The following SPMIP7 variants were observed in gnomAD, a reference collection of about 807,000 sequenced individuals.
SPMIP7 encodes sperm microtubule inner protein 7.
At chr7:50,120,803 T>C in the SPMIP7 span, among the ~76,000 whole-genome samples, 1 of 152,178 alleles carries the variant, frequency 6.6e-6, no homozygotes, top group Non-Finnish European at 1.5e-5. Flanking sequence ...AATAGATATC[T>C]CTTTAAATCA....
chr7:50,150,653 A>C, the SPMIP7 span, among the ~76,000 whole-genome samples: 1 of 152,174 alleles, frequency 6.6e-6, no homozygotes, highest in African/African-American at 2.4e-5. Flanking sequence ...ATCTGTGTAA[A>C]CCAACTTGTG....
chr7:50,096,412 G>A, the SPMIP7 span: 1 of 1,551,642 alleles, frequency 6.4e-7, no homozygotes, highest in African/African-American at 1.4e-5. Flanking sequence ...CCTGTTCAGG[G>A]TTTATGAGTC....
At chr7:50,157,913 T>C in the SPMIP7 span, among the ~76,000 whole-genome samples, 1 of 152,204 alleles carries the variant, frequency 6.6e-6, no homozygotes, top group Non-Finnish European at 1.5e-5. Context: ...AAAAAATTAT[T>C]TTAATTATCA....
the SPMIP7 span, among the ~76,000 whole-genome samples, chr7:50,128,618 T>G: frequency 6.6e-6 from 1 of 151,982 alleles, no homozygotes; most frequent in Non-Finnish European, 1.5e-5. Flanking sequence ...CAAATACATT[T>G]TAAAACTATG....
At chr7:50,154,667 T>C in the SPMIP7 span, among the ~76,000 whole-genome samples, 3 of 152,218 alleles carry the variant, frequency 2.0e-5, no homozygotes, top group South Asian at 2.1e-4. Context: ...GTGAATATGA[T>C]GCAATGAACA....
At chr7:50,140,009 C>G in the SPMIP7 span, 1 of 633,652 alleles carries the variant, frequency 1.6e-6, no homozygotes, top group African/African-American at 2.0e-5. Flanking sequence ...TTTAAAATCA[C>G]AAACCTTTAA....
At chr7:50,119,646 T>C in the SPMIP7 span, among the ~76,000 whole-genome samples, 1 of 152,216 alleles carries the variant, frequency 6.6e-6, no homozygotes, top group Admixed American at 6.5e-5. Context: ...ATTCTAGACA[T>C]GACTGCTACT....
the SPMIP7 span, among the ~76,000 whole-genome samples, chr7:50,156,280 G>A: frequency 6.6e-6 from 1 of 151,908 alleles, no homozygotes; most frequent in East Asian, 1.9e-4. Context: ...GTGAAAGTAT[G>A]AGCCTTGATC....
chr7:50,151,316 CCT>C, the SPMIP7 span: 22 of 711,178 alleles, frequency 3.1e-5, no homozygotes, highest in South Asian at 3.8e-4. Context: ...AAGTTCCACA[CCT>C]CATACAGGAA....
chr7:50,125,361 T>TATATATACATATATAC, the SPMIP7 span, among the ~76,000 whole-genome samples: 3 of 133,626 alleles, frequency 2.2e-5, no homozygotes, highest in East Asian at 4.5e-4. Flanking sequence ...CACATATATA[T>TATATATACATATATAC]ACACATATAT....
At chr7:50,116,535 T>G in the SPMIP7 span, among the ~76,000 whole-genome samples, 1 of 152,232 alleles carries the variant, frequency 6.6e-6, no homozygotes, top group African/African-American at 2.4e-5. Flanking sequence ...GTAATAAATT[T>G]ATGAAACTGT....
chr7:50,103,510 C>T, the SPMIP7 span, among the ~76,000 whole-genome samples: 1 of 152,182 alleles, frequency 6.6e-6, no homozygotes, highest in Non-Finnish European at 1.5e-5. Flanking sequence ...TTCCTATCTA[C>T]CATTTTACAA....
the SPMIP7 span, among the ~76,000 whole-genome samples, chr7:50,126,416 C>T: frequency 6.6e-6 from 1 of 150,806 alleles, no homozygotes; most frequent in African/African-American, 2.4e-5. Flanking sequence ...ACAGTGAAAA[C>T]TTCAGGCCTA....
At chr7:50,126,211 C>T in the SPMIP7 span, among the ~76,000 whole-genome samples, 1 of 129,030 alleles carries the variant, frequency 7.8e-6, no homozygotes, top group African/African-American at 3.1e-5. Flanking sequence ...AGAGAATACA[C>T]ATCATCAATA....
At chr7:50,146,396 CTT>C in the SPMIP7 span, among the ~76,000 whole-genome samples, 1 of 152,298 alleles carries the variant, frequency 6.6e-6, no homozygotes, top group South Asian at 2.1e-4. Context: ...ATAATGGGTT[CTT>C]GGAGCTTTGA....
At chr7:50,147,915 C>T in the SPMIP7 span, among the ~76,000 whole-genome samples, 9 of 152,304 alleles carry the variant, frequency 5.9e-5, no homozygotes, top group South Asian at 4.1e-4. Context: ...TGGGTCTCTG[C>T]GTCTCTCTAC....
chr7:50,122,769 C>G, the SPMIP7 span, among the ~76,000 whole-genome samples: 4 of 152,100 alleles, frequency 2.6e-5, no homozygotes, highest in Admixed American at 2.6e-4. Flanking sequence ...CATGAACAGA[C>G]ACTTCTCAAA....
the SPMIP7 span, chr7:50,151,434 T>A: frequency 6.6e-7 from 1 of 1,525,766 alleles, no homozygotes; most frequent in South Asian, 1.2e-5. Flanking sequence ...CCTCCTCTCT[T>A]AACTCTTCAC....
At chr7:50,106,176 G>A in the SPMIP7 span, among the ~76,000 whole-genome samples, 1 of 152,302 alleles carries the variant, frequency 6.6e-6, no homozygotes, top group South Asian at 2.1e-4. Context: ...ATAAGGTAGA[G>A]AGAAATTACT....
Sources: gnomAD v4.1 joint callset for allele counts (sites outside exome capture counted in the v4.1 genomes callset) on GRCh38, gnomAD v4.1.1 for gene constraint, MANE v1.5 for transcripts, NCBI Gene and HGNC (gene_info 2026-07-23, HGNC 2026-07-21) for gene names.